ERCC1: variants seen among roughly 807,000 people sequenced by gnomAD.
ERCC1 encodes the protein DNA excision repair protein ERCC-1.
ERCC1 carries 36 observed loss-of-function variants against 37.6 expected under a neutral mutation model. The observed-to-expected ratio is 0.96, with a 90% CI of 0.73 to 1.26. The LOEUF is 1.26. Ranked by LOEUF, ERCC1 falls within the 50% of genes most tolerant of loss-of-function variation. The pLI is 0.00. For missense variants in ERCC1, 349 were observed against 376.5 expected (o/e 0.93, Z 0.60); for synonymous variants, 156 against 162.1 (o/e 0.96, Z 0.28).
intron 1 of ERCC1, among the ~76,000 whole-genome samples, chr19:45,432,041 G>A (rs1228898050): frequency 6.6e-6 from 1 of 151,782 alleles, no homozygotes; most frequent in East Asian, 1.9e-4. Context: ...GCGCAATCTT[G>A]GCTCGCTGCA....
chr19:45,417,244 A>AG (rs1164151121), intron 5 of ERCC1, among the ~76,000 whole-genome samples: 1 of 152,220 alleles, frequency 6.6e-6, no homozygotes, highest in Non-Finnish European at 1.5e-5. Flanking sequence ...GCAGTGGCTG[A>AG]GACAGCCCTG....
Position 45,421,394 on chromosome 19 carries a change from C to T in ERCC1, c.106-1G>A. 1 of 1,597,476 alleles carries T rather than the reference C, an allele frequency of 6.3e-7. No individual in the cohort carries two copies. Among genetic ancestry groups the T allele is most frequent in the African/African-American group, 1.4e-5 (1 of 74,034 alleles). ...GTGTAGATCGGAATAAGGGCTTGGC[C>T]TGTGGGGAGAAAGGGAGTTTGCAGG... is the stretch of plus-strand genomic sequence containing the variant. On this transcript the variant is annotated splice_acceptor_variant, in intron 2 of 9. Transcript: ENST00000300853. LOFTEE classifies it high-confidence loss of function.
chr19:45,413,436 C>A, intron 9 of ERCC1: 1 of 745,214 alleles, frequency 1.3e-6, no homozygotes. Flanking sequence ...CACCACCATG[C>A]CCAGCTAGTT....
intron 9 of ERCC1, among the ~76,000 whole-genome samples, chr19:45,410,972 C>T (rs996606199): frequency 2.0e-5 from 3 of 152,092 alleles, no homozygotes; most frequent in African/African-American, 4.8e-5. Flanking sequence ...TACAGGCACG[C>T]GCCACCACAC....
intron 1 of ERCC1, among the ~76,000 whole-genome samples, chr19:45,443,172 T>C (rs1975164482): frequency 1.3e-5 from 2 of 152,058 alleles, no homozygotes; most frequent in African/African-American, 2.4e-5. Context: ...GTCCATCTTA[T>C]TGATTTGTCT....
chr19:45,423,134 G>C (rs752514631), intron 2 of ERCC1, 136 bp downstream of exon 2: 288 of 796,048 alleles, frequency 3.6e-4, no homozygotes, highest in Non-Finnish European at 5.4e-4. Flanking sequence ...ACCTGGGGAG[G>C]ACCAAGGACT....
chr19:45,448,873 A>G (rs1568603735), intron 1 of ERCC1, among the ~76,000 whole-genome samples: 1 of 151,986 alleles, frequency 6.6e-6, no homozygotes, highest in East Asian at 1.9e-4. Flanking sequence ...CCTACTTCCC[A>G]GAAACAGCCA....
intron 1 of ERCC1, among the ~76,000 whole-genome samples, chr19:45,448,106 A>C (rs910446258): frequency 2.6e-5 from 4 of 152,170 alleles, no homozygotes; most frequent in Non-Finnish European, 4.4e-5. Flanking sequence ...TCCTAACCTC[A>C]GGTGATCCAC....
At chr19:45,425,082 A>ATTTTTTTTTTTTTTTT, upstream of ERCC1, among the ~76,000 whole-genome samples, 1 of 116,950 alleles carries the variant, frequency 8.6e-6, no homozygotes, top group Non-Finnish European at 1.8e-5. Context: ...TGCCCGGCTA[A>ATTTTTTTTTTTTTTTT]TTTTTTTTTT....
intron 8 of ERCC1, 83 bp downstream of exon 8, chr19:45,413,880 G>A (rs1022171850): frequency 6.4e-7 from 1 of 1,565,890 alleles, no homozygotes; most frequent in Non-Finnish European, 8.8e-7. Flanking sequence ...GGTGGGCAGG[G>A]AGATGGAAGG....
chr19:45,415,941 G>A (rs1974045102), intron 6 of ERCC1: 1 of 369,572 alleles, frequency 2.7e-6, no homozygotes, highest in South Asian at 1.9e-5. Flanking sequence ...TTCAAGACCA[G>A]CCGGGACAAC....
At position 45,408,831 on chromosome 19, in the gene ERCC1, AAAAGAG is replaced by A. The variant is rs759389149; in HGVS notation, c.*838_*843del. ...GAAGACACAGTCCTGTCCCCGACCA[AAAAGAG>A]AAAGAGGCAAAAGGGGACGGAAGGG... On this transcript the variant is annotated 3_prime_UTR_variant, in exon 10 of 10. Coordinates refer to ENST00000300853, the MANE Select transcript of ERCC1 (RefSeq NM_001983.4). The A allele has an allele frequency of 6.2e-7, 1 of 1,614,034 alleles. No individual in the cohort carries two copies. Among genetic ancestry groups the A allele is most frequent in the Non-Finnish European group, 8.5e-7 (1 of 1,180,036 alleles).
intron 9 of ERCC1, chr19:45,410,814 GTTT>G (rs566117468): frequency 6.6e-6 from 1 of 151,062 alleles, no homozygotes; most frequent in Non-Finnish European, 1.5e-5. Context: ...AGGATCTCAT[GTTT>G]TTTTTGTTTT....
rs1406995672 is a variant in ERCC1, at chr19:45,409,491, A to G, written c.*184T>C. The G allele has an allele frequency of 6.2e-6, 10 of 1,607,592 alleles. No individual in the cohort carries two copies. Among genetic ancestry groups the G allele is most frequent in the African/African-American group, 2.7e-5 (2 of 74,812 alleles). The stretch of plus-strand genomic sequence containing the variant: ...AAGAAGCGGAAGCAGCAGCAGCAGC[A>G]GCCTGTGTAGTCTGCCCCCGGGAAA... On this transcript the variant is annotated 3_prime_UTR_variant, in exon 10 of 10. Transcript: ENST00000300853.
intron 1 of ERCC1, among the ~76,000 whole-genome samples, chr19:45,441,784 T>G (rs1975126291): frequency 6.6e-6 from 1 of 151,578 alleles, no homozygotes; most frequent in Non-Finnish European, 1.5e-5. Flanking sequence ...TTCAAGTGGT[T>G]CTCCTGCCTC....
chr19:45,445,788 C>G (rs533943128), intron 1 of ERCC1, among the ~76,000 whole-genome samples: 3 of 152,020 alleles, frequency 2.0e-5, no homozygotes, highest in African/African-American at 7.2e-5. Context: ...CCGCAGGGCC[C>G]GATGGGCTGA....
chr19:45,440,470 A>G (rs1975092628), intron 1 of ERCC1, among the ~76,000 whole-genome samples: 1 of 151,794 alleles, frequency 6.6e-6, no homozygotes, highest in African/African-American at 2.4e-5. Context: ...TGAGGATCTG[A>G]TTTCTTGGTT....
At chr19:45,415,171 T>C (rs1200657721) in intron 6 of ERCC1, among the ~76,000 whole-genome samples, 2 of 151,476 alleles carry the variant, frequency 1.3e-5, no homozygotes, top group African/African-American at 2.4e-5. Context: ...TCGTTTCTAC[T>C]AAAAATACAA....
chr19:45,419,536 C>T, intron 4 of ERCC1: 1 of 349,294 alleles, frequency 2.9e-6, no homozygotes, highest in Non-Finnish European at 5.6e-6. Context: ...CGGTGGGAAG[C>T]AGGGCCCACT....
Sources: allele counts gnomAD v4.1 joint callset (sites outside exome capture counted in the v4.1 genomes callset), GRCh38; gene constraint gnomAD v4.1.1; transcripts MANE v1.5; gene names NCBI Gene and HGNC (gene_info 2026-07-23, HGNC 2026-07-21).